Variants in PDZRN3 observed in about 807,000 individuals in gnomAD.
PDZRN3 encodes E3 ubiquitin-protein ligase PDZRN3.
In PDZRN3, 38 loss-of-function variants were observed where a neutral mutation model predicts 85.7. The ratio of observed to expected loss-of-function variants is 0.44; its 90% CI spans 0.34 to 0.58. PDZRN3 has a LOEUF of 0.58. Ranked by LOEUF, PDZRN3 falls within the 20% of genes least tolerant of loss-of-function variation. The probability of loss-of-function intolerance (pLI) is 0.01; values close to 1 mark genes in which losing one functional copy is unlikely to be tolerated. For synonymous variants in PDZRN3, 759 were observed against 638.0 expected (o/e 1.19, Z -2.86); for missense variants, 1,629 against 1,506.4 (o/e 1.08, Z -1.35).
At chr3:73,549,333 C>T (rs1358690921) in intron 3 of PDZRN3, among the ~76,000 whole-genome samples, 3 of 152,104 alleles carry the variant, frequency 2.0e-5, no homozygotes. Flanking sequence ...TTCTTCTCTA[C>T]CAGCTAGCAA....
rs1412124103 is a variant in PDZRN3 at position 73,384,206 on chromosome 3, C to A, written c.2360G>T (p.Ser787Ile). The change falls in exon 10 of 10, where the codon AGC becomes ATC. Residue 787 changes from serine to isoleucine, a missense_variant. By Grantham distance (142) the Ser-to-Ile change is moderately radical. Coordinates refer to ENST00000263666, the MANE Select transcript of PDZRN3 (RefSeq NM_015009.3). Reference protein sequence around the residue: ...NSLRRAAEGISCPSSEGAVGT... With the variant: ...NSLRRAAEGIICPSSEGAVGT... Reference sequence around the variant, plus strand: ...CACAGCCCCTTCGCTGCTCGGGCAGCTGATGCCCTCCGCCGCTCTCCTCAA... The same window carrying A: ...CACAGCCCCTTCGCTGCTCGGGCAGATGATGCCCTCCGCCGCTCTCCTCAA... 2 of 1,613,918 alleles carry A rather than the reference C, an allele frequency of 1.2e-6. No individual in the cohort carries two copies. Among genetic ancestry groups the A allele is most frequent in the Admixed American group, 3.3e-5 (2 of 60,030 alleles).
At chr3:73,421,143 G>T (rs981363806) in intron 3 of PDZRN3, among the ~76,000 whole-genome samples, 1 of 152,184 alleles carries the variant, frequency 6.6e-6, no homozygotes, top group Non-Finnish European at 1.5e-5. Context: ...AGAACCCATA[G>T]ATATGAAGTG....
rs533692638 is a variant in PDZRN3 at position 73,606,373 on chromosome 3, C to G, written c.810+2225G>C. On this transcript the variant is annotated intron_variant, in intron 2 of 9. Transcript: ENST00000263666. ...GAACATGGGCTCATGTTCTGAACCA[C>G]GGGCTCAAGTCTGACCCTGCTGCTT... 5.3e-5 allele frequency among the ~76,000 whole-genome samples: 8 copies of G among 152,264 alleles called. No homozygotes were observed. In the South Asian group the frequency reaches 1.7e-3, roughly 32 times the overall value.
intron 3 of PDZRN3, among the ~76,000 whole-genome samples, chr3:73,545,681 T>C (rs902103204): frequency 3.3e-5 from 5 of 152,218 alleles, no homozygotes; most frequent in Non-Finnish European, 7.3e-5. Flanking sequence ...TTTGAGACTC[T>C]ATCAACTAGA....
At chr3:73,529,271 G>A (rs771674455) in intron 3 of PDZRN3, among the ~76,000 whole-genome samples, 17 of 152,292 alleles carry the variant, frequency 1.1e-4, no homozygotes, top group East Asian at 1.9e-4. Flanking sequence ...GAAAGAGACC[G>A]TGCAAGTGTT....
chr3:73,545,270 A>G (rs948881742), intron 3 of PDZRN3, among the ~76,000 whole-genome samples: 2 of 152,132 alleles, frequency 1.3e-5, no homozygotes, highest in Non-Finnish European at 2.9e-5. Flanking sequence ...AAGCCTCCAT[A>G]GGTGATAATA....
At chr3:73,547,194 C>T (rs1175307404) in intron 3 of PDZRN3, among the ~76,000 whole-genome samples, 4 of 152,198 alleles carry the variant, frequency 2.6e-5, no homozygotes, top group Admixed American at 1.3e-4. Flanking sequence ...TCTCCCTAGC[C>T]GAACTCTGGA....
chr3:73,615,304 AT>A (rs895607852), intron 1 of PDZRN3, among the ~76,000 whole-genome samples: 1 of 152,206 alleles, frequency 6.6e-6, no homozygotes, highest in African/African-American at 2.4e-5. Flanking sequence ...TTTCTCTCTC[AT>A]TTTTGTCACT....
intron 3 of PDZRN3, among the ~76,000 whole-genome samples, chr3:73,546,032 G>A (rs142391423): frequency 1.7e-4 from 26 of 152,248 alleles, no homozygotes; most frequent in African/African-American, 6.3e-4. Flanking sequence ...CTGAGGGCAG[G>A]GGCCTCCTGT....
Position 73,624,332 on chromosome 3 carries a change from G to A in PDZRN3, c.494C>T (p.Ala165Val). 5 of 1,309,562 alleles carry A rather than the reference G, an allele frequency of 3.8e-6. No individual in the cohort carries two copies. The highest frequency in any genetic ancestry group is 4.8e-6 in the Non-Finnish European group (5 of 1,036,624). 81.1% of individuals were successfully genotyped at this position (1,309,562 alleles called of 1,614,324 possible). A position where few individuals can be genotyped will look rare whatever the true frequency, so the allele number is the denominator to read the frequency against. ...QRAGGHCCAR[A>V]LRAHNGALQA... ...GAGCGCGCCGTTGTGCGCCCGCAGC[G>A]CTCGCGCGCAGCAGTGGCCGCCCGC... is the stretch of plus-strand genomic sequence containing the variant. The change falls in exon 1 of 10, where the codon GCG becomes GTG. Residue 165 changes from alanine to valine, a missense_variant. By Grantham distance (64) the Ala-to-Val change is moderately conservative (BLOSUM62 0). Transcript: ENST00000263666.
At chr3:73,474,495 A>T (rs551567584) in intron 3 of PDZRN3, 1 of 1,288,644 alleles carries the variant, frequency 7.8e-7, no homozygotes, top group African/African-American at 1.5e-5. Flanking sequence ...TATTAGAGTA[A>T]ATTTACTGAA....
chr3:73,622,309 G>A (rs368624706), intron 1 of PDZRN3, among the ~76,000 whole-genome samples: 2 of 152,230 alleles, frequency 1.3e-5, no homozygotes, highest in African/African-American at 4.8e-5. Flanking sequence ...AAAACTTGCA[G>A]GCCTGGTGTG....
chr3:73,560,442 AATAT>A (rs1403258832), intron 3 of PDZRN3, among the ~76,000 whole-genome samples: 1 of 152,224 alleles, frequency 6.6e-6, no homozygotes, highest in Admixed American at 6.5e-5. Flanking sequence ...TCTGGAGCAC[AATAT>A]ACAGATGGAG....
At chr3:73,584,279 A>G (rs1350580929) in intron 3 of PDZRN3, among the ~76,000 whole-genome samples, 1 of 152,168 alleles carries the variant, frequency 6.6e-6, no homozygotes, top group East Asian at 1.9e-4. Context: ...GGGTTAAGTT[A>G]GGAAGGAAAG....
At chr3:73,469,011 A>C (rs189796891) in intron 3 of PDZRN3, among the ~76,000 whole-genome samples, 1 of 151,742 alleles carries the variant, frequency 6.6e-6, no homozygotes, top group Non-Finnish European at 1.5e-5. Context: ...GATTATACTT[A>C]TTATTACTAG....
chr3:73,406,449 A>C (rs572274856), intron 3 of PDZRN3, among the ~76,000 whole-genome samples: 1 of 152,284 alleles, frequency 6.6e-6, no homozygotes, highest in South Asian at 2.1e-4. Context: ...AATGTGTGAC[A>C]CCAAGAGTCA....
At chr3:73,531,294 A>G (rs982067708) in intron 3 of PDZRN3, among the ~76,000 whole-genome samples, 1 of 151,458 alleles carries the variant, frequency 6.6e-6, no homozygotes. Flanking sequence ...CACTGTCCCA[A>G]AAGGTGTTGG....
intron 3 of PDZRN3, among the ~76,000 whole-genome samples, chr3:73,497,647 A>C (rs1328493700): frequency 6.6e-6 from 1 of 152,198 alleles, no homozygotes; most frequent in African/African-American, 2.4e-5. Flanking sequence ...CGTACCCATC[A>C]CCCAGCTTAA....
chr3:73,616,173 G>A (rs1250549197), intron 1 of PDZRN3, among the ~76,000 whole-genome samples: 3 of 152,198 alleles, frequency 2.0e-5, no homozygotes, highest in Non-Finnish European at 2.9e-5. Context: ...TGCCATGATC[G>A]GAAGCAGCCT....
Sources: gnomAD v4.1 joint callset for allele counts (sites outside exome capture counted in the v4.1 genomes callset) on GRCh38, gnomAD v4.1.1 for gene constraint, MANE v1.5 for transcripts, NCBI Gene and HGNC (gene_info 2026-07-23, HGNC 2026-07-21) for gene names.